Variants in TOX observed in about 807,000 individuals in gnomAD.
The protein encoded by TOX is thymocyte selection-associated high mobility group box protein TOX.
TOX carries 11 observed loss-of-function variants against 53.7 expected under a neutral mutation model. The observed-to-expected ratio is 0.20, with a 90% confidence interval of 0.13 to 0.34. The LOEUF (loss-of-function observed/expected upper bound fraction) is 0.34, where lower values mean the gene tolerates loss of function less well. TOX is among the 10% of genes least tolerant of loss of function. The probability of loss-of-function intolerance (pLI) is 1.00; values close to 1 mark genes in which losing one functional copy is unlikely to be tolerated. For missense variants in TOX, 570 were observed against 664.6 expected (o/e 0.86, Z 1.56); for synonymous variants, 225 against 245.3 (o/e 0.92, Z 0.77).
intron 7 of TOX, among the ~76,000 whole-genome samples, chr8:58,808,738 C>T (rs946464240): frequency 1.3e-5 from 2 of 152,212 alleles, no homozygotes; most frequent in African/African-American, 4.8e-5. Context: ...TGTTCTCAAA[C>T]CTCTTTTTCT....
intron 5 of TOX, among the ~76,000 whole-genome samples, chr8:58,835,563 C>T (rs545773607): frequency 3.3e-5 from 5 of 152,232 alleles, no homozygotes; most frequent in South Asian, 2.1e-4. Flanking sequence ...ATAGAATTAG[C>T]GGGAAGAAAT....
chr8:59,097,443 AT>A (rs973580843), intron 1 of TOX, among the ~76,000 whole-genome samples: 4 of 152,214 alleles, frequency 2.6e-5, no homozygotes, highest in Admixed American at 6.5e-5. Flanking sequence ...AATTTTTATC[AT>A]TTAATCCTCA....
intron 4 of TOX, among the ~76,000 whole-genome samples, chr8:58,847,202 T>C (rs1810732022): frequency 6.6e-6 from 1 of 151,966 alleles, no homozygotes; most frequent in African/African-American, 2.4e-5. Context: ...AAAAGCAAAA[T>C]GAAACAAGCT....
intron 3 of TOX, among the ~76,000 whole-genome samples, chr8:58,888,946 C>T (rs916769001): frequency 2.6e-5 from 4 of 151,886 alleles, no homozygotes; most frequent in Non-Finnish European, 5.9e-5. Flanking sequence ...ATATGAATGG[C>T]TCTTAAATAT....
At chr8:58,822,790 A>G (rs2129165384) in intron 6 of TOX, among the ~76,000 whole-genome samples, 1 of 152,350 alleles carries the variant, frequency 6.6e-6, no homozygotes, top group East Asian at 1.9e-4. Flanking sequence ...GATTAAAAAC[A>G]TTTGAGAATC....
intron 3 of TOX, among the ~76,000 whole-genome samples, chr8:58,878,368 T>C (rs1811322469): frequency 6.6e-6 from 1 of 152,224 alleles, no homozygotes; most frequent in Non-Finnish European, 1.5e-5. Flanking sequence ...CAAAATTTTT[T>C]GCAGGCCAAA....
chr8:59,069,401 T>C (rs1804153650), intron 1 of TOX, among the ~76,000 whole-genome samples: 2 of 152,158 alleles, frequency 1.3e-5, no homozygotes, highest in South Asian at 4.1e-4. Flanking sequence ...TGTTTGATCT[T>C]GATTTAAGAT....
At chr8:58,871,336 G>A (rs188366648) in intron 3 of TOX, among the ~76,000 whole-genome samples, 18 of 152,190 alleles carry the variant, frequency 1.2e-4, no homozygotes, top group African/African-American at 3.9e-4. Flanking sequence ...AGTGCATATA[G>A]GAAAGTAGGC....
chr8:58,907,485 C>T (rs6471758), intron 3 of TOX, among the ~76,000 whole-genome samples: 144,180 of 152,164 alleles, frequency 0.95, 68,381 homozygotes, highest in East Asian at 1. Flanking sequence ...ATCTCAGCTA[C>T]TGAGGAGGCT....
chr8:59,002,286 C>T (rs1490705916), intron 1 of TOX, among the ~76,000 whole-genome samples: 1 of 145,168 alleles, frequency 6.9e-6, no homozygotes, highest in Non-Finnish European at 1.5e-5. Context: ...AAATACTTTT[C>T]TTTAAAAAAA....
chr8:58,964,969 T>C (rs998407911), intron 1 of TOX, among the ~76,000 whole-genome samples: 5 of 152,090 alleles, frequency 3.3e-5, no homozygotes, highest in African/African-American at 1.2e-4. Context: ...GGATTACAGA[T>C]TAGGTGAGCA....
chr8:58,852,789 CTG>C (rs1810847891), intron 3 of TOX, among the ~76,000 whole-genome samples: 1 of 152,010 alleles, frequency 6.6e-6, no homozygotes, highest in South Asian at 2.1e-4. Context: ...AACAAGAAAA[CTG>C]TGAGGAAAAA....
intron 1 of TOX, among the ~76,000 whole-genome samples, chr8:59,058,484 G>A (rs1803920088): frequency 2.0e-5 from 3 of 152,172 alleles, no homozygotes; most frequent in African/African-American, 4.8e-5. Flanking sequence ...CCCACTGGAA[G>A]GAGACACCTT....
intron 1 of TOX, among the ~76,000 whole-genome samples, chr8:59,080,940 T>C (rs1170166244): frequency 1.3e-5 from 2 of 152,220 alleles, no homozygotes; most frequent in Non-Finnish European, 2.9e-5. Flanking sequence ...CTCTACCTAC[T>C]GGTCGGTGTT....
At chr8:58,982,878 T>A (rs937715359) in intron 1 of TOX, among the ~76,000 whole-genome samples, 14 of 152,176 alleles carry the variant, frequency 9.2e-5, no homozygotes, top group Non-Finnish European at 1.6e-4. Flanking sequence ...CTTTCTGACA[T>A]CTGCTGTCTG....
At chr8:58,984,454 A>G (rs1022852384) in intron 1 of TOX, among the ~76,000 whole-genome samples, 3 of 152,192 alleles carry the variant, frequency 2.0e-5, no homozygotes, top group African/African-American at 7.2e-5. Flanking sequence ...AATCATAACC[A>G]CAAGGAGATA....
At chr8:58,971,543 C>A (rs1452238712) in intron 1 of TOX, among the ~76,000 whole-genome samples, 1 of 152,166 alleles carries the variant, frequency 6.6e-6, no homozygotes, top group Non-Finnish European at 1.5e-5. Context: ...TATGGTACTT[C>A]CCCCTCATGG....
intron 5 of TOX, among the ~76,000 whole-genome samples, chr8:58,833,730 G>A (rs987799633): frequency 6.6e-6 from 1 of 152,116 alleles, no homozygotes; most frequent in African/African-American, 2.4e-5. Flanking sequence ...ATTGTCTTAC[G>A]AGTCATTAGC....
chr8:58,817,896 T>C (rs899603826), intron 6 of TOX, among the ~76,000 whole-genome samples: 2 of 152,184 alleles, frequency 1.3e-5, no homozygotes, highest in African/African-American at 4.8e-5. Context: ...TATAACATAT[T>C]ACTAGATAAT....
Sources: gnomAD v4.1 joint callset for allele counts (sites outside exome capture counted in the v4.1 genomes callset) on GRCh38, gnomAD v4.1.1 for gene constraint, MANE v1.5 for transcripts, NCBI Gene and HGNC (gene_info 2026-07-23, HGNC 2026-07-21) for gene names.